Variants in DENND1A observed in about 807,000 individuals in gnomAD.
DENND1A encodes the protein DENN domain containing 1A.
Under a neutral mutation model 113.7 loss-of-function variants are expected in DENND1A, and 51 were observed. The ratio of observed to expected loss-of-function variants is 0.45; its 90% CI spans 0.36 to 0.57. DENND1A has a LOEUF of 0.57. Among genes scored for constraint, DENND1A ranks in the 20% least tolerant of loss-of-function variants. DENND1A has a pLI of 0.00. For missense variants in DENND1A, 1,258 were observed against 1,395.9 expected (o/e 0.90, Z 1.57); for synonymous variants, 565 against 570.8 (o/e 0.99, Z 0.14).
chr9:123,401,493 C>A (rs2043460056), intron 21 of DENND1A: 1 of 1,223,162 alleles, frequency 8.2e-7, no homozygotes, highest in South Asian at 2.0e-5. Context: ...ACGTACCCCT[C>A]TGTCTCCTTG....
At chr9:123,864,701 C>A (rs569403596) in intron 2 of DENND1A, among the ~76,000 whole-genome samples, 2 of 152,072 alleles carry the variant, frequency 1.3e-5, no homozygotes, top group African/African-American at 4.8e-5. Context: ...ATGCCCTCCC[C>A]CTAGACCTAC....
chr9:123,679,680 A>G (rs994620043), intron 5 of DENND1A, among the ~76,000 whole-genome samples: 4 of 152,142 alleles, frequency 2.6e-5, no homozygotes, highest in African/African-American at 9.7e-5. Flanking sequence ...GCGGAGCTCT[A>G]TCCAGCGGCG....
At chr9:123,723,588 G>A (rs1409148903) in intron 5 of DENND1A, among the ~76,000 whole-genome samples, 2 of 152,092 alleles carry the variant, frequency 1.3e-5, no homozygotes, top group African/African-American at 4.8e-5. Flanking sequence ...TGCTGTTCTC[G>A]TGACAATGAA....
intron 11 of DENND1A, among the ~76,000 whole-genome samples, chr9:123,588,347 G>A (rs1232033502): frequency 6.6e-6 from 1 of 150,394 alleles, no homozygotes; most frequent in African/African-American, 2.4e-5. Flanking sequence ...GGCTGGGCAC[G>A]ATGGCTCACG....
At chr9:123,922,654 TC>T (rs1193658182) in intron 1 of DENND1A, among the ~76,000 whole-genome samples, 1 of 152,128 alleles carries the variant, frequency 6.6e-6, no homozygotes, top group African/African-American at 2.4e-5. Flanking sequence ...CAACTTCCTC[TC>T]CTGTAATCTT....
intron 21 of DENND1A, among the ~76,000 whole-genome samples, chr9:123,392,713 T>C (rs2042920911): frequency 6.6e-6 from 1 of 152,194 alleles, no homozygotes; most frequent in South Asian, 2.1e-4. Flanking sequence ...TTCGGATACA[T>C]GAGTAATTTC....
At chr9:123,533,705 G>A (rs974672429) in intron 13 of DENND1A, among the ~76,000 whole-genome samples, 15 of 152,202 alleles carry the variant, frequency 9.9e-5, no homozygotes, top group African/African-American at 3.4e-4. Context: ...CAAAGCTGCA[G>A]GAAGGAATTT....
chr9:123,505,619 T>C (rs1438708825), intron 13 of DENND1A, among the ~76,000 whole-genome samples: 1 of 152,226 alleles, frequency 6.6e-6, no homozygotes, highest in Non-Finnish European at 1.5e-5. Flanking sequence ...ATGAAATCTT[T>C]ATTTTAATTG....
At chr9:123,669,468 G>C (rs1564917698) in intron 7 of DENND1A, among the ~76,000 whole-genome samples, 1 of 152,220 alleles carries the variant, frequency 6.6e-6, no homozygotes, top group Non-Finnish European at 1.5e-5. Flanking sequence ...AACATTCCTA[G>C]AAACCACTGG....
intron 16 of DENND1A, 123 bp downstream of exon 16, chr9:123,454,616 C>A (rs1484288574): frequency 9.0e-6 from 9 of 1,001,184 alleles, no homozygotes; most frequent in African/African-American, 1.6e-5. Context: ...GCTTTACAAA[C>A]AAAGGCATCT....
At chr9:123,895,603 T>C (rs1850617816) in intron 1 of DENND1A, among the ~76,000 whole-genome samples, 1 of 146,098 alleles carries the variant, frequency 6.8e-6, no homozygotes, top group Non-Finnish European at 1.5e-5. Flanking sequence ...GCCTGGGCGA[T>C]AGAGTGAGAC....
rs772040166 is a variant in DENND1A, at chr9:123,440,380, T to C, written c.1468A>G (p.Ile490Val). The change falls in exon 19 of 24, where the codon ATC (isoleucine) becomes GTC (valine). Residue 490 changes from isoleucine (I) to valine (V), a missense_variant. Ile to Val is a conservative substitution (Grantham distance 29). This residue lies in a region of DENND1A where 1,159 missense variants were observed against 1,231.7 expected (regional missense o/e 0.94). Coordinates refer to ENST00000394215, the MANE Select transcript of DENND1A (RefSeq NM_001352964.2). ...CACACCTGTCCAAAGTGGACTGTGATTGGCCGCCGGTCTTCTCGGAGCTTG... is the reference window on the plus strand; with the variant it reads ...CACACCTGTCCAAAGTGGACTGTGACTGGCCGCCGGTCTTCTCGGAGCTTG... ...DPKLREDRRPITVHFGQLQRL... is the reference protein window; with the variant it reads ...DPKLREDRRPVTVHFGQLQRL... 3.7e-6 allele frequency: 6 copies of C among 1,602,342 alleles called. No individual in the cohort carries two copies. Among genetic ancestry groups the C allele is most frequent in the African/African-American group, 2.7e-5 (2 of 73,530 alleles).
At chr9:123,472,898 C>T (rs1182241199) in intron 13 of DENND1A, among the ~76,000 whole-genome samples, 1 of 152,172 alleles carries the variant, frequency 6.6e-6, no homozygotes, top group African/African-American at 2.4e-5. Context: ...CTGGGGAGTC[C>T]CCCTTGCCCT....
chr9:123,791,201 T>C (rs371984036), intron 3 of DENND1A, among the ~76,000 whole-genome samples: 1 of 152,156 alleles, frequency 6.6e-6, no homozygotes, highest in East Asian at 1.9e-4. Context: ...CACAAGACTT[T>C]AGAACAATAA....
At chr9:123,833,122 C>CAAAAAAAAA in intron 2 of DENND1A, among the ~76,000 whole-genome samples, 1 of 27,568 alleles carries the variant, frequency 3.6e-5, no homozygotes, top group Non-Finnish European at 7.3e-5. Flanking sequence ...GACCTCATCT[C>CAAAAAAAAA]AAAAAAAAAA....
intron 9 of DENND1A, among the ~76,000 whole-genome samples, chr9:123,651,140 G>T (rs2062628277): frequency 6.6e-6 from 1 of 150,768 alleles, no homozygotes; most frequent in Non-Finnish European, 1.5e-5. Context: ...TAAAATAAAA[G>T]GAATATAAAA....
chr9:123,928,697 G>A (rs1428354112), intron 1 of DENND1A: 10 of 985,348 alleles, frequency 1.0e-5, no homozygotes, highest in Admixed American at 1.2e-4. Flanking sequence ...ACGGGGGACT[G>A]CAAGGCTGGG....
At chr9:123,888,821 G>C (rs1326911460) in intron 1 of DENND1A, among the ~76,000 whole-genome samples, 2 of 152,174 alleles carry the variant, frequency 1.3e-5, no homozygotes, top group Admixed American at 6.5e-5. Context: ...AGGATTAGAC[G>C]TAGTAACAAA....
At chr9:123,471,257 G>C (rs547755839) in intron 13 of DENND1A, among the ~76,000 whole-genome samples, 1 of 152,226 alleles carries the variant, frequency 6.6e-6, no homozygotes, top group Admixed American at 6.5e-5. Context: ...CTGGAACGTG[G>C]GGCAAGTCCC....
Sources: gnomAD v4.1 joint callset for allele counts (sites outside exome capture counted in the v4.1 genomes callset) on GRCh38, gnomAD v4.1.1 for gene constraint, gnomAD v4.1.1 regional missense constraint, MANE v1.5 for transcripts, NCBI Gene and HGNC (gene_info 2026-07-23, HGNC 2026-07-21) for gene names.